Variants in FSD1L observed in about 807,000 individuals in gnomAD.
FSD1L encodes the protein fibronectin type III and SPRY domain containing 1 like.
Under a neutral mutation model 71.6 loss-of-function variants are expected in FSD1L, and 45 were observed. The observed-to-expected ratio is 0.63, with a 90% CI of 0.49 to 0.81. The LOEUF (loss-of-function observed/expected upper bound fraction) is 0.81. Ranked by LOEUF, FSD1L falls within the 30% of genes least tolerant of loss-of-function variation. FSD1L has a pLI of 0.00. For missense variants in FSD1L, 561 were observed against 618.1 expected (o/e 0.91, Z 0.98); for synonymous variants, 197 against 207.2 (o/e 0.95, Z 0.42).
chr9:105,520,144 C>T (rs1373871463), intron 10 of FSD1L: 13 of 1,606,174 alleles, frequency 8.1e-6, no homozygotes, highest in East Asian at 2.2e-5. Flanking sequence ...TCCAAGAAGC[C>T]GCACGGGGAC....
chr9:105,516,677 C>T (rs1834746934), intron 10 of FSD1L, among the ~76,000 whole-genome samples: 1 of 152,182 alleles, frequency 6.6e-6, no homozygotes, highest in Non-Finnish European at 1.5e-5. Context: ...AGGTCACCAA[C>T]ATCAAATACA....
intron 10 of FSD1L, chr9:105,524,695 C>T: frequency 6.2e-7 from 1 of 1,613,984 alleles, no homozygotes; most frequent in Non-Finnish European, 8.5e-7. Flanking sequence ...TCTCCTGACT[C>T]AGAACGATCT....
At chr9:105,458,386 C>T (rs535370328) in intron 1 of FSD1L, among the ~76,000 whole-genome samples, 1 of 152,278 alleles carries the variant, frequency 6.6e-6, no homozygotes, top group East Asian at 1.9e-4. Context: ...TCTGCGCCTG[C>T]CTTTTGGCGG....
At chr9:105,467,912 A>T (rs1015981937) in intron 3 of FSD1L, among the ~76,000 whole-genome samples, 2 of 152,190 alleles carry the variant, frequency 1.3e-5, no homozygotes, top group Admixed American at 6.5e-5. Context: ...ACAACCTTTC[A>T]TGTTGTCCTG....
At chr9:105,509,598 C>T (rs1265527959) in intron 9 of FSD1L, among the ~76,000 whole-genome samples, 1 of 151,920 alleles carries the variant, frequency 6.6e-6, no homozygotes, top group Non-Finnish European at 1.5e-5. Context: ...ATAGGTTTAC[C>T]TGCCAGAAAT....
intron 5 of FSD1L, among the ~76,000 whole-genome samples, chr9:105,473,960 A>G (rs1421616486): frequency 6.6e-6 from 1 of 152,166 alleles, no homozygotes; most frequent in African/African-American, 2.4e-5. Flanking sequence ...TATTCTTACT[A>G]TTTGGGTCTT....
chr9:105,498,683 G>T (rs1333825856), intron 7 of FSD1L, among the ~76,000 whole-genome samples: 3 of 152,070 alleles, frequency 2.0e-5, no homozygotes, highest in Non-Finnish European at 2.9e-5. Context: ...TATTTTCGTT[G>T]CATTCAACAA....
At chr9:105,536,825 C>T (rs1429252734) in intron 12 of FSD1L, among the ~76,000 whole-genome samples, 2 of 151,902 alleles carry the variant, frequency 1.3e-5, no homozygotes, top group African/African-American at 2.4e-5. Context: ...TTAGTAGAGA[C>T]GGGGTTTCAC....
chr9:105,498,052 C>T (rs1047656122), intron 7 of FSD1L, among the ~76,000 whole-genome samples: 5 of 151,920 alleles, frequency 3.3e-5, no homozygotes, highest in Non-Finnish European at 7.4e-5. Flanking sequence ...ACTGTGTTGC[C>T]TAGACTGGTC....
At position 105,464,176 on chromosome 9, in the gene FSD1L, T is replaced by C; in HGVS notation, c.112-60T>C. The C allele has an allele frequency of 1.1e-5, 9 of 844,152 alleles. No homozygotes were observed. In the South Asian group the frequency reaches 1.4e-4, roughly 13 times the overall value. The allele number at this position is 844,152 out of a possible 1,614,324, so 52.3% of individuals were successfully genotyped here. ...TAAAGTTTGTTTAGAGAATGCTTGT[T>C]AATGAGTTTTGTAACTCTTCCATTG... is the stretch of plus-strand genomic sequence containing the variant. On this transcript the variant is annotated intron_variant, in intron 2 of 13. Transcript: ENST00000481272.
intron 10 of FSD1L, chr9:105,521,220 C>T (rs1835132627): frequency 1.9e-6 from 3 of 1,614,210 alleles, no homozygotes; most frequent in South Asian, 1.1e-5. Flanking sequence ...TACAGGACCT[C>T]ATATTCCTGG....
At chr9:105,531,563 A>G (rs1444612166) in intron 10 of FSD1L, among the ~76,000 whole-genome samples, 1 of 152,204 alleles carries the variant, frequency 6.6e-6, no homozygotes, top group Non-Finnish European at 1.5e-5. Context: ...CTAGTTACAA[A>G]AGTAATTTTT....
At chr9:105,523,438 C>T (rs1365321692) in intron 10 of FSD1L, 27 of 1,606,814 alleles carry the variant, frequency 1.7e-5, no homozygotes, top group Non-Finnish European at 2.2e-5. Flanking sequence ...GATGTTGCTA[C>T]TGTAATGTGG....
chr9:105,442,917 C>T (rs140702039), upstream of FSD1L, among the ~76,000 whole-genome samples: 1 of 152,298 alleles, frequency 6.6e-6, no homozygotes, highest in East Asian at 1.9e-4. Flanking sequence ...CTAATTATAC[C>T]TATGGGATGC....
At chr9:105,487,790 TCTTA>T (rs1170636854) in intron 7 of FSD1L, among the ~76,000 whole-genome samples, 4 of 152,146 alleles carry the variant, frequency 2.6e-5, no homozygotes, top group Admixed American at 6.5e-5. Flanking sequence ...TTTATAAAGG[TCTTA>T]CTTAGAAAGA....
At chr9:105,522,090 G>A (rs1835205670) in intron 10 of FSD1L, 1 of 1,613,302 alleles carries the variant, frequency 6.2e-7, no homozygotes, top group Non-Finnish European at 8.5e-7. Context: ...TATGACCTTG[G>A]CAGGTCGACT....
chr9:105,537,706 G>C (rs776227293), intron 12 of FSD1L, among the ~76,000 whole-genome samples: 1 of 152,120 alleles, frequency 6.6e-6, no homozygotes, highest in Non-Finnish European at 1.5e-5. Context: ...TAGAGAGTCA[G>C]TGGTTAAAGA....
intron 4 of FSD1L, among the ~76,000 whole-genome samples, chr9:105,469,121 A>G (rs1295406203): frequency 1.3e-5 from 2 of 152,230 alleles, no homozygotes; most frequent in African/African-American, 4.8e-5. Flanking sequence ...TGGTTGAATA[A>G]TATTCCACTT....
At chr9:105,468,483 A>G (rs922045206) in intron 4 of FSD1L, among the ~76,000 whole-genome samples, 159 bp downstream of exon 4, 1 of 152,128 alleles carries the variant, frequency 6.6e-6, no homozygotes, top group Non-Finnish European at 1.5e-5. Context: ...ATTGTTGTTA[A>G]AAAAACAATT....
Sources: gnomAD v4.1 joint callset for allele counts (sites outside exome capture counted in the v4.1 genomes callset) on GRCh38, gnomAD v4.1.1 for gene constraint, MANE v1.5 for transcripts, NCBI Gene and HGNC (gene_info 2026-07-23, HGNC 2026-07-21) for gene names.